Variants in AGBL4 observed in about 807,000 individuals in gnomAD.
The protein encoded by AGBL4 is AGBL carboxypeptidase 4, also known as cytosolic carboxypeptidase 6.
A neutral mutation model predicts 66.4 loss-of-function variants in AGBL4; 58 were observed. The observed-to-expected ratio is 0.87, with a 90% CI of 0.71 to 1.09. The LOEUF (loss-of-function observed/expected upper bound fraction) is 1.09. Ranked by LOEUF, AGBL4 falls within the 50% of genes least tolerant of loss-of-function variation. The probability of loss-of-function intolerance (pLI) is 0.00; values close to 1 mark genes in which losing one functional copy is unlikely to be tolerated. For missense variants in AGBL4, 579 were observed against 631.0 expected (o/e 0.92, Z 0.88); for synonymous variants, 234 against 222.9 (o/e 1.05, Z -0.44).
chr1:49,172,261 T>C (rs1646752841), intron 4 of AGBL4, among the ~76,000 whole-genome samples: 2 of 152,172 alleles, frequency 1.3e-5, no homozygotes, highest in African/African-American at 4.8e-5. Flanking sequence ...ATTGACCCTG[T>C]CTTCAAGAAA....
Position 49,026,439 on chromosome 1 carries a change from C to A in AGBL4, c.594+19145G>T, listed in dbSNP as rs537025326. On this transcript the variant is annotated intron_variant, in intron 5 of 13. Coordinates refer to ENST00000371839, the MANE Select transcript of AGBL4 (RefSeq NM_032785.4). ...GAGTCATAAAATAGGGCAGGAAATA[C>A]CAGGAGTCTACAGAAAGTAAGAGAA... Among the ~76,000 whole-genome samples the A allele has an allele frequency of 2.0e-5, 3 of 152,158 alleles. No homozygotes were observed. In the South Asian group the frequency reaches 6.2e-4, roughly 32 times the overall value.
intron 4 of AGBL4, among the ~76,000 whole-genome samples, chr1:49,219,473 C>T (rs1212607542): frequency 6.6e-6 from 1 of 151,832 alleles, no homozygotes; most frequent in Non-Finnish European, 1.5e-5. Context: ...TGAAAGCAGC[C>T]GAAAAGTGAC....
At chr1:49,672,633 T>C (rs578123440) in intron 3 of AGBL4, among the ~76,000 whole-genome samples, 4 of 151,854 alleles carry the variant, frequency 2.6e-5, no homozygotes, top group South Asian at 4.2e-4. Context: ...TTTGAAAAGA[T>C]AGAGAAGCCA....
At chr1:49,744,679 C>G (rs181438091) in intron 2 of AGBL4, among the ~76,000 whole-genome samples, 1 of 151,916 alleles carries the variant, frequency 6.6e-6, no homozygotes. Flanking sequence ...TTGTTTGTAA[C>G]TTTTTTCTTC....
At chr1:49,992,143 G>A (rs561915843) in intron 1 of AGBL4, among the ~76,000 whole-genome samples, 3 of 152,202 alleles carry the variant, frequency 2.0e-5, no homozygotes, top group South Asian at 2.1e-4. Context: ...AGGTCAAGGC[G>A]GGCAGATCAC....
chr1:49,960,957 T>C (rs1657073020), intron 1 of AGBL4, among the ~76,000 whole-genome samples: 1 of 152,002 alleles, frequency 6.6e-6, no homozygotes, highest in Admixed American at 6.6e-5. Flanking sequence ...ACTCAGTATT[T>C]AATAGAGTGT....
rs574405602 is a variant in AGBL4 at position 49,514,332 on chromosome 1, A to T, written c.282+182981T>A. 2.0e-5 allele frequency among the ~76,000 whole-genome samples: 3 copies of T among 152,120 alleles called. No individual in the cohort carries two copies. In the South Asian group the frequency reaches 6.2e-4, roughly 31 times the overall value. On this transcript the variant is annotated intron_variant, in intron 3 of 13. Transcript: ENST00000371839. ...AGGGAATGCTTCCAACTTACAAGGG[A>T]CGTGAAGGACCTCTTCGAGGAGAAC... is the stretch of plus-strand genomic sequence containing the variant.
At chr1:49,329,780 A>C (rs1397442238) in intron 3 of AGBL4, among the ~76,000 whole-genome samples, 1 of 152,118 alleles carries the variant, frequency 6.6e-6, no homozygotes, top group Non-Finnish European at 1.5e-5. Context: ...AGTTATGTGA[A>C]ATCTTTCTGA....
chr1:49,822,014 CA>C (rs1459039139), intron 2 of AGBL4, among the ~76,000 whole-genome samples: 2 of 151,940 alleles, frequency 1.3e-5, no homozygotes, highest in Non-Finnish European at 2.9e-5. Flanking sequence ...GAGTTGGAAA[CA>C]ACTTTGATGG....
intron 4 of AGBL4, among the ~76,000 whole-genome samples, chr1:49,197,462 CA>C (rs1298422653): frequency 6.6e-6 from 1 of 152,146 alleles, no homozygotes; most frequent in Non-Finnish European, 1.5e-5. Context: ...GAGTTTGTTA[CA>C]GGGGTAGCAG....
At chr1:49,193,278 G>T (rs1320840084) in intron 4 of AGBL4, among the ~76,000 whole-genome samples, 1 of 149,534 alleles carries the variant, frequency 6.7e-6, no homozygotes, top group Admixed American at 6.7e-5. Context: ...TGTTTTTCTA[G>T]TTCCTTGAGG....
intron 1 of AGBL4, among the ~76,000 whole-genome samples, chr1:49,925,675 C>A (rs183755703): frequency 1.4e-4 from 22 of 152,274 alleles, no homozygotes; most frequent in Admixed American, 4.6e-4. Flanking sequence ...CTACACCTGG[C>A]AAAATATACC....
Position 49,464,605 on chromosome 1 carries a change from G to A in AGBL4, c.283-218741C>T, listed in dbSNP as rs148547209. On this transcript the variant is annotated intron_variant, in intron 3 of 13. Coordinates refer to ENST00000371839, the MANE Select transcript of AGBL4 (RefSeq NM_032785.4). ...GCATTAGTGTGTTCTTTTGTTTTTAGATCAGACATTGTTGAGAACTTACTG... is the reference window on the plus strand; with the variant it reads ...GCATTAGTGTGTTCTTTTGTTTTTAAATCAGACATTGTTGAGAACTTACTG... Among the ~76,000 whole-genome samples the A allele has an allele frequency of 4.4e-4, 67 of 151,830 alleles. No homozygotes were observed. In the East Asian group the frequency reaches 0.012, roughly 27 times the overall value.
chr1:49,384,889 A>C (rs1362326991), intron 3 of AGBL4, among the ~76,000 whole-genome samples: 1 of 152,214 alleles, frequency 6.6e-6, no homozygotes, highest in Non-Finnish European at 1.5e-5. Flanking sequence ...AAGGATCTCA[A>C]AGAATTATTT....
intron 5 of AGBL4, among the ~76,000 whole-genome samples, chr1:48,921,070 T>C (rs965312951): frequency 6.6e-6 from 1 of 152,186 alleles, no homozygotes; most frequent in African/African-American, 2.4e-5. Flanking sequence ...ATTTAGCTGA[T>C]GTATTAGCCA....
rs1343431 is a variant in AGBL4, at chr1:48,967,331, A to T, written c.594+78253T>A. On this transcript the variant is annotated intron_variant, in intron 5 of 13. Transcript: ENST00000371839. Reference sequence around the variant, plus strand: ...TGCTGCCCCCATCACCTTCATTCATAATTCACTCGTTTATTTATTCATTCA... The same window carrying T: ...TGCTGCCCCCATCACCTTCATTCATTATTCACTCGTTTATTTATTCATTCA... Among the ~76,000 whole-genome samples, 11 of 151,972 alleles carry T rather than the reference A, an allele frequency of 7.2e-5. No individual in the cohort carries two copies. In the East Asian group the frequency reaches 2.1e-3, roughly 29 times the overall value.
intron 1 of AGBL4, among the ~76,000 whole-genome samples, chr1:50,014,217 A>AG (rs1661764199): frequency 6.6e-6 from 1 of 151,976 alleles, no homozygotes; most frequent in Non-Finnish European, 1.5e-5. Flanking sequence ...CTAAAAATAC[A>AG]AAAATTAGCT....
intron 4 of AGBL4, among the ~76,000 whole-genome samples, chr1:49,117,603 T>C (rs1240082114): frequency 6.6e-6 from 1 of 152,220 alleles, no homozygotes; most frequent in Non-Finnish European, 1.5e-5. Flanking sequence ...ACTACTACCA[T>C]GCTATTTTGG....
chr1:48,539,636 A>G lies in AGBL4; in HGVS notation c.1364+6T>C. 1 of 1,533,526 alleles carries G rather than the reference A, an allele frequency of 6.5e-7. No individual in the cohort carries two copies. The allele number at this position is 1,533,526 out of a possible 1,614,324, so 95.0% of individuals were successfully genotyped here. On this transcript the variant is annotated splice_donor_region_variant and intron_variant, in intron 12 of 13. Coordinates refer to ENST00000371839, the MANE Select transcript of AGBL4 (RefSeq NM_032785.4). ...CAAGCCGAAACCTCTCTGCTCTGCC[A>G]CTTACCGCAGTCTCGGCATGGGAAT... is the stretch of plus-strand genomic sequence containing the variant.
Sources: allele counts gnomAD v4.1 joint callset (sites outside exome capture counted in the v4.1 genomes callset), GRCh38; gene constraint gnomAD v4.1.1; transcripts MANE v1.5; gene names NCBI Gene and HGNC (gene_info 2026-07-23, HGNC 2026-07-21).